MYO16: variants seen among roughly 807,000 people sequenced by gnomAD.
MYO16 encodes unconventional myosin-XVI.
In MYO16, 94 loss-of-function variants were observed where a neutral mutation model predicts 205.3. That is an observed-to-expected ratio of 0.46 (90% CI 0.39 to 0.54). The LOEUF (loss-of-function observed/expected upper bound fraction) is 0.54, where lower values mean the gene tolerates loss of function less well. Ranked by LOEUF, MYO16 falls within the 20% of genes least tolerant of loss-of-function variation. The pLI is 0.00. For synonymous variants in MYO16, 988 were observed against 954.0 expected, an observed-to-expected ratio of 1.04 and a Z score of -0.66; for missense variants, 2,315 against 2,387.5, an observed-to-expected ratio of 0.97 and a Z score of 0.63.
intron 33 of MYO16, among the ~76,000 whole-genome samples, chr13:109,173,569 T>C (rs917782959): frequency 6.6e-6 from 1 of 152,102 alleles, no homozygotes; most frequent in African/African-American, 2.4e-5. Context: ...GAAACAATTA[T>C]GTAGGAGTCT....
intron 1 of MYO16, among the ~76,000 whole-genome samples, chr13:108,650,198 C>T (rs1372559165): frequency 6.6e-6 from 1 of 151,348 alleles, no homozygotes; most frequent in African/African-American, 2.4e-5. Flanking sequence ...GTTTTACTTG[C>T]AATCATGAAA....
intron 16 of MYO16, among the ~76,000 whole-genome samples, chr13:108,956,702 G>A (rs1883360928): frequency 6.6e-6 from 1 of 152,076 alleles, no homozygotes; most frequent in Non-Finnish European, 1.5e-5. Flanking sequence ...TGAAAGCCTG[G>A]GAGTTGCTTG....
chr13:108,692,510 C>T (rs1260999907), intron 2 of MYO16, among the ~76,000 whole-genome samples: 4 of 152,278 alleles, frequency 2.6e-5, no homozygotes, highest in Admixed American at 6.5e-5. Flanking sequence ...CTGCAGCTTC[C>T]GTGGTCTTGA....
At chr13:108,577,557 C>T in the MYO16 span, among the ~76,000 whole-genome samples, 1 of 152,222 alleles carries the variant, frequency 6.6e-6, no homozygotes, top group African/African-American at 2.4e-5. Flanking sequence ...CAATTCTGCT[C>T]TACCCTTCAA....
chr13:108,653,583 TA>T (rs1359364621), intron 1 of MYO16, among the ~76,000 whole-genome samples: 88 of 152,104 alleles, frequency 5.8e-4, no homozygotes, highest in Admixed American at 4.2e-3. Context: ...AGTCCAATTT[TA>T]TTTTTTTGCA....
the MYO16 span, among the ~76,000 whole-genome samples, chr13:108,572,812 C>G: frequency 2.0e-5 from 3 of 152,126 alleles, no homozygotes; most frequent in Admixed American, 2.0e-4. Context: ...GGGAGGGGAG[C>G]ATGTTAATAG....
chr13:108,995,458 C>A (rs188316926), intron 21 of MYO16, among the ~76,000 whole-genome samples: 3 of 152,174 alleles, frequency 2.0e-5, no homozygotes, highest in Admixed American at 2.0e-4. Context: ...TATTATTATA[C>A]TTTAAGTTTT....
At chr13:108,716,593 C>T (rs181891688) in intron 3 of MYO16, among the ~76,000 whole-genome samples, 1 of 152,280 alleles carries the variant, frequency 6.6e-6, no homozygotes. Context: ...GTCTTAGGTA[C>T]TGAAAAAGGC....
At chr13:109,047,231 A>G (rs1341369370) in intron 24 of MYO16, among the ~76,000 whole-genome samples, 1 of 152,176 alleles carries the variant, frequency 6.6e-6, no homozygotes, top group Non-Finnish European at 1.5e-5. Flanking sequence ...ATAGAAATGT[A>G]AAATACCCTT....
rs1179812012 is a variant in MYO16 at position 108,806,786 on chromosome 13, G to A, written c.849G>A (p.Leu283=). 1.3e-6 allele frequency: 2 copies of A among 1,549,722 alleles called. No individual in the cohort carries two copies. Among genetic ancestry groups the A allele is most frequent in the Non-Finnish European group, 1.7e-6 (2 of 1,142,974 alleles). ...VDDQYWTPLH[L]AAKYGQTNLV... is the part of the protein sequence containing the mutation. ...ATCAGTACTGGACTCCCCTCCACTT[G>A]GCAGCCAAATATGGCCAGGTAGAGT... The change falls in exon 7 of 35, where the codon TTG becomes TTA. Residue 283 remains leucine, a synonymous_variant. Transcript: ENST00000457511.
chr13:108,592,444 G>C (rs1431921647), upstream of MYO16, among the ~76,000 whole-genome samples: 1 of 98,524 alleles, frequency 1.0e-5, no homozygotes, highest in Non-Finnish European at 2.0e-5. Flanking sequence ...TATGTTGGGG[G>C]TATGAGGGTG....
chr13:108,668,150 A>G (rs921328770), intron 2 of MYO16, among the ~76,000 whole-genome samples: 24 of 152,356 alleles, frequency 1.6e-4, no homozygotes, highest in African/African-American at 5.8e-4. Flanking sequence ...GTAGTAAATT[A>G]CTAACTAAAA....
chr13:108,937,086 A>G (rs766738659), intron 16 of MYO16, among the ~76,000 whole-genome samples: 6 of 152,076 alleles, frequency 3.9e-5, no homozygotes, highest in Non-Finnish European at 8.8e-5. Flanking sequence ...AAAATATTTT[A>G]TTTCCCCTTT....
intron 17 of MYO16, among the ~76,000 whole-genome samples, chr13:108,960,337 A>G (rs1317676200): frequency 6.6e-6 from 1 of 152,140 alleles, no homozygotes; most frequent in Non-Finnish European, 1.5e-5. Context: ...AGAGGCTTGA[A>G]TAATGCCATT....
intron 23 of MYO16, among the ~76,000 whole-genome samples, chr13:109,040,516 GTTTTTGTT>G (rs1886853872): frequency 6.6e-6 from 1 of 151,838 alleles, no homozygotes; most frequent in Admixed American, 6.6e-5. Context: ...AACGGTTTTG[GTTTTTGTT>G]TTCTTTTTCT....
intron 15 of MYO16, among the ~76,000 whole-genome samples, chr13:108,904,908 C>T (rs569725994): frequency 1.9e-4 from 29 of 152,236 alleles, no homozygotes; most frequent in Non-Finnish European, 3.2e-4. Context: ...TTAGAGTGTA[C>T]GCAGTTTTTT....
chr13:108,522,806 A>G, the MYO16 span, among the ~76,000 whole-genome samples: 1 of 151,568 alleles, frequency 6.6e-6, no homozygotes, highest in South Asian at 2.1e-4. Flanking sequence ...GTCTGTCTCA[A>G]TGTCTAAATT....
chr13:109,140,502 C>A lies in MYO16; in HGVS notation c.4290C>A (p.Ser1430Arg). 1.9e-6 allele frequency: 3 copies of A among 1,548,590 alleles called. No individual in the cohort carries two copies. Among genetic ancestry groups the A allele is most frequent in the Non-Finnish European group, 1.7e-6 (2 of 1,155,966 alleles). ...PAAPPGDEDD[S>R]EPVYIEMLGH... is the part of the protein sequence containing the mutation. ...CGCCTCCGGGTGACGAGGACGACAG[C>A]GAGCCTGTGTACATCGAGATGCTGG... The change falls in exon 32 of 35, where the codon AGC (serine) becomes AGA (arginine). Residue 1430 changes from serine (S) to arginine (R), a missense_variant. Ser to Arg is a moderately radical substitution (Grantham distance 110). Transcript: ENST00000457511. The surrounding 1 kb of genome is among the most constrained non-coding windows in gnomAD (Gnocchi z 8.0).
At chr13:108,663,240 G>A (rs1410209640) in intron 1 of MYO16, among the ~76,000 whole-genome samples, 1 of 152,090 alleles carries the variant, frequency 6.6e-6, no homozygotes, top group Non-Finnish European at 1.5e-5. Flanking sequence ...TCTGTCCGCA[G>A]CTGCAATCCA....
Sources: gnomAD v4.1 joint callset for allele counts (sites outside exome capture counted in the v4.1 genomes callset) on GRCh38, gnomAD v4.1.1 for gene constraint, Gnocchi (gnomAD v3.1) non-coding constraint, MANE v1.5 for transcripts, NCBI Gene and HGNC (gene_info 2026-07-23, HGNC 2026-07-21) for gene names.